Variants in CD247 observed in about 807,000 individuals in gnomAD.
CD247 encodes the protein CD247 molecule, also known as T-cell surface glycoprotein CD3 zeta chain.
CD247 carries 13 observed loss-of-function variants against 30.0 expected under a neutral mutation model. That is an observed-to-expected ratio of 0.43 (90% CI 0.28 to 0.69). CD247 has a LOEUF of 0.69. Among genes scored for constraint, CD247 ranks in the 30% least tolerant of loss-of-function variants. The pLI is 0.16. For synonymous variants in CD247, 72 were observed against 80.0 expected, an observed-to-expected ratio of 0.90 and a Z score of 0.53; for missense variants, 193 against 212.6, an observed-to-expected ratio of 0.91 and a Z score of 0.57.
intron 1 of CD247, among the ~76,000 whole-genome samples, chr1:167,456,173 A>G (rs1327812448): frequency 6.6e-6 from 1 of 152,192 alleles, no homozygotes; most frequent in Non-Finnish European, 1.5e-5. Flanking sequence ...CCTGGCACAC[A>G]TACCCAGTGC....
intron 1 of CD247, among the ~76,000 whole-genome samples, chr1:167,509,386 A>G (rs12143143): frequency 0.021 from 3,187 of 150,868 alleles, 55 homozygotes; most frequent in African/African-American, 0.042. Flanking sequence ...AAAAAAAAAA[A>G]AAAAGAAAAG....
At chr1:167,517,138 C>T (rs924596557) in intron 1 of CD247, among the ~76,000 whole-genome samples, 8 of 152,232 alleles carry the variant, frequency 5.3e-5, no homozygotes, top group Admixed American at 1.3e-4. Context: ...CTCTGCCACA[C>T]TGTGTGTGTG....
chr1:167,499,795 A>C (rs565693988), intron 1 of CD247, among the ~76,000 whole-genome samples: 2 of 152,178 alleles, frequency 1.3e-5, no homozygotes, highest in Non-Finnish European at 2.9e-5. Flanking sequence ...TTCAAACCCC[A>C]ACTCTACTGA....
intron 1 of CD247, among the ~76,000 whole-genome samples, chr1:167,478,505 T>C (rs567732593): frequency 6.6e-6 from 1 of 152,238 alleles, no homozygotes; most frequent in African/African-American, 2.4e-5. Context: ...GCTTCGAGGG[T>C]TTGAACAAGG....
At chr1:167,466,843 C>CT (rs58330914) in intron 1 of CD247, among the ~76,000 whole-genome samples, 27,880 of 144,818 alleles carry the variant, frequency 0.19, 3,612 homozygotes, top group African/African-American at 0.38. Context: ...TTATCCTCTT[C>CT]TTTTTTTTTT....
chr1:167,453,514 T>C (rs1200329279), intron 1 of CD247, among the ~76,000 whole-genome samples: 1 of 152,200 alleles, frequency 6.6e-6, no homozygotes, highest in East Asian at 1.9e-4. Flanking sequence ...GAATTTAATT[T>C]TTTCTGAGGA....
chr1:167,457,897 T>TC (rs1652781327), intron 1 of CD247: 1 of 152,236 alleles, frequency 6.6e-6, no homozygotes, highest in Non-Finnish European at 1.5e-5. Context: ...TCACTAGGAC[T>TC]CAGTAATTAC....
chr1:167,437,101 G>T (rs1651580942), intron 4 of CD247, among the ~76,000 whole-genome samples: 1 of 152,094 alleles, frequency 6.6e-6, no homozygotes, highest in Admixed American at 6.5e-5. Flanking sequence ...CCAGATTGTA[G>T]TCCTATTAAC....
intron 1 of CD247, among the ~76,000 whole-genome samples, chr1:167,449,961 T>C (rs149021962): frequency 6.6e-6 from 1 of 152,264 alleles, no homozygotes; most frequent in Admixed American, 6.5e-5. Context: ...TTTTTTTCAT[T>C]TAGTATTATG....
chr1:167,512,207 G>T (rs367818297), intron 1 of CD247, among the ~76,000 whole-genome samples: 2 of 152,050 alleles, frequency 1.3e-5, no homozygotes, highest in African/African-American at 4.8e-5. Context: ...GTCCTTGCAC[G>T]GCCCCCAATA....
chr1:167,431,711 G>A lies in CD247; in HGVS notation c.465C>T (p.Ala155=). ...GAGGGGGCAGGGCCTGCATGTGAAGGGCGTCGTAGGTGTCCTTGGTGGCTG... is the reference window on the plus strand; with the variant it reads ...GAGGGGGCAGGGCCTGCATGTGAAGAGCGTCGTAGGTGTCCTTGGTGGCTG... ...LSTATKDTYD[A]LHMQALPPR Residue 155 remains alanine, a synonymous_variant, in exon 8 of 8, where the codon GCC becomes GCT. Transcript: ENST00000362089. 1 of 1,614,110 alleles carries A rather than the reference G, an allele frequency of 6.2e-7. No homozygotes were observed.
intron 1 of CD247, among the ~76,000 whole-genome samples, chr1:167,516,981 C>T (rs1177773753): frequency 6.6e-6 from 1 of 152,218 alleles, no homozygotes; most frequent in Non-Finnish European, 1.5e-5. Flanking sequence ...TATGAGCTCC[C>T]TGGTGTGGTG....
intron 1 of CD247, among the ~76,000 whole-genome samples, chr1:167,505,878 C>A (rs1229003390): frequency 3.3e-5 from 5 of 152,228 alleles, no homozygotes; most frequent in African/African-American, 1.2e-4. Flanking sequence ...GGCTGTCATT[C>A]TAGTGTAGGG....
intron 1 of CD247, among the ~76,000 whole-genome samples, chr1:167,503,181 C>T (rs776597035): frequency 8.5e-5 from 13 of 152,164 alleles, no homozygotes; most frequent in East Asian, 1.9e-4. Context: ...CTGCTCCTGC[C>T]GGTATTCAAA....
intron 1 of CD247, among the ~76,000 whole-genome samples, chr1:167,502,169 G>C (rs1302624460): frequency 1.3e-5 from 2 of 152,202 alleles, no homozygotes; most frequent in Non-Finnish European, 2.9e-5. Flanking sequence ...TGCTGGAAGT[G>C]TCCTTCCCCT....
rs1182403177 is a variant in CD247, at chr1:167,430,675, GA to G, written c.*1005del. The G allele has an allele frequency of 3.0e-5, 12 of 398,552 alleles. No homozygotes were observed. Among genetic ancestry groups the G allele is most frequent in the Non-Finnish European group, 5.3e-5 (12 of 226,082 alleles). 24.7% of individuals were successfully genotyped at this position (398,552 alleles called of 1,614,324 possible). A position where few individuals can be genotyped will look rare whatever the true frequency, so the allele number is the denominator to read the frequency against. Reference sequence around the variant, plus strand: ...CTGAAGCATTTATTATGCAAAATAGGAAGGCTTTAGCATGCCAGTATAAATT... The same window carrying G: ...CTGAAGCATTTATTATGCAAAATAGGAGGCTTTAGCATGCCAGTATAAATT... On this transcript the variant is annotated 3_prime_UTR_variant, in exon 8 of 8. Transcript: ENST00000362089.
At chr1:167,476,560 C>T (rs1417445550) in intron 1 of CD247, among the ~76,000 whole-genome samples, 3 of 152,162 alleles carry the variant, frequency 2.0e-5, no homozygotes, top group Non-Finnish European at 2.9e-5. Flanking sequence ...TGGTGGCTCA[C>T]GCCTGTAATC....
At chr1:167,489,975 C>T (rs978370527) in intron 1 of CD247, among the ~76,000 whole-genome samples, 3 of 152,182 alleles carry the variant, frequency 2.0e-5, no homozygotes, top group Non-Finnish European at 4.4e-5. Context: ...CCTTTTGGCC[C>T]CAGGAGGCAG....
Position 167,440,736 on chromosome 1 carries a change from T to C in CD247, c.90A>G (p.Lys30=). ...GGATTCCATCCAGCAGGTAGCAGAGTTTGGGATCCAGCAGGCCAAAGCTCT... is the reference window on the plus strand; with the variant it reads ...GGATTCCATCCAGCAGGTAGCAGAGCTTGGGATCCAGCAGGCCAAAGCTCT... ...EAQSFGLLDP[K]LCYLLDGILF... The change falls in exon 2 of 8, where the codon AAA becomes AAG. Residue 30 remains lysine (K), a synonymous_variant. Coordinates refer to ENST00000362089, the MANE Select transcript of CD247 (RefSeq NM_198053.3). The C allele has an allele frequency of 6.2e-7, 1 of 1,613,530 alleles. No homozygotes were observed. The highest frequency in any genetic ancestry group is 8.5e-7 in the Non-Finnish European group (1 of 1,179,830).
Sources: allele counts gnomAD v4.1 joint callset (sites outside exome capture counted in the v4.1 genomes callset), GRCh38; gene constraint gnomAD v4.1.1; transcripts MANE v1.5; gene names NCBI Gene and HGNC (gene_info 2026-07-23, HGNC 2026-07-21).